Variants in EPHA3 observed in about 807,000 individuals in gnomAD.
The protein encoded by EPHA3 is EPH receptor A3.
EPHA3 carries 42 observed loss-of-function variants against 107.1 expected under a neutral mutation model. The observed-to-expected ratio is 0.39, with a 90% CI of 0.31 to 0.51. EPHA3 has a LOEUF of 0.51. Among genes scored for constraint, EPHA3 ranks in the 20% least tolerant of loss-of-function variants. The pLI, the probability that EPHA3 is intolerant of heterozygous loss-of-function variation, is 0.78. For synonymous variants in EPHA3, 461 were observed against 424.8 expected (o/e 1.09, Z -1.05); for missense variants, 1,183 against 1,211.2 (o/e 0.98, Z 0.35).
At chr3:89,217,115 G>C (rs569981894) in intron 3 of EPHA3, among the ~76,000 whole-genome samples, 53 of 152,142 alleles carry the variant, frequency 3.5e-4, no homozygotes, top group Non-Finnish European at 5.7e-4. Context: ...ATTAGTTCCA[G>C]AGTAGAACTT....
intron 3 of EPHA3, among the ~76,000 whole-genome samples, chr3:89,317,674 T>A (rs1706940900): frequency 6.6e-6 from 1 of 151,750 alleles, no homozygotes; most frequent in Non-Finnish European, 1.5e-5. Context: ...CTGCCCCAAA[T>A]GTACACATTT....
chr3:89,245,066 G>C (rs145311989), intron 3 of EPHA3, among the ~76,000 whole-genome samples: 1 of 151,972 alleles, frequency 6.6e-6, no homozygotes, highest in African/African-American at 2.4e-5. Flanking sequence ...CCAAACCAGC[G>C]GTTTGTTTGC....
intron 3 of EPHA3, among the ~76,000 whole-genome samples, chr3:89,259,362 A>C (rs992817186): frequency 2.6e-5 from 4 of 152,156 alleles, no homozygotes; most frequent in Admixed American, 1.3e-4. Flanking sequence ...TTTTGGCTAA[A>C]ATGAATTTTG....
chr3:89,299,934 T>C (rs541478696), intron 3 of EPHA3, among the ~76,000 whole-genome samples: 2 of 152,184 alleles, frequency 1.3e-5, no homozygotes, highest in South Asian at 4.1e-4. Flanking sequence ...ATGTTCTACA[T>C]ATTTAAGTGT....
intron 5 of EPHA3, 26 bp downstream of exon 5, chr3:89,342,116 C>G: frequency 6.3e-7 from 1 of 1,575,348 alleles, no homozygotes; most frequent in Non-Finnish European, 8.7e-7. Flanking sequence ...ATGCTTCTTA[C>G]TCTTATCATA....
At chr3:89,333,559 T>A (rs1707334218) in intron 3 of EPHA3, among the ~76,000 whole-genome samples, 1 of 152,110 alleles carries the variant, frequency 6.6e-6, no homozygotes, top group African/African-American at 2.4e-5. Flanking sequence ...AAGACTAGAT[T>A]AGCAAGAAAA....
In EPHA3 at chr3:89,180,924, G is replaced by C. The variant is rs538281022; in HGVS notation, c.154-28936G>C. On this transcript the variant is annotated intron_variant, in intron 2 of 16. Transcript: ENST00000336596. ...ATTTCCAGAGAGTTGGAAAAAAAGA[G>C]ATTTTGTCACAGCCTTTTGGACAAG... is the stretch of plus-strand genomic sequence containing the variant. Among the ~76,000 whole-genome samples, 41 of 152,074 alleles carry C rather than the reference G, an allele frequency of 2.7e-4. 1 individual carries two copies. In the South Asian group the frequency reaches 7.7e-3, roughly 28 times the overall value.
intron 2 of EPHA3, among the ~76,000 whole-genome samples, chr3:89,198,159 T>C (rs1654430327): frequency 1.3e-5 from 2 of 152,100 alleles, no homozygotes; most frequent in Non-Finnish European, 2.9e-5. Context: ...AGACAAACTT[T>C]GAATTTAAAA....
intron 5 of EPHA3, among the ~76,000 whole-genome samples, chr3:89,346,647 C>G (rs553938519): frequency 1.3e-5 from 2 of 151,144 alleles, no homozygotes; most frequent in Admixed American, 6.6e-5. Context: ...TCAATTGTGG[C>G]TTTTGTTGCC....
rs547616497 is a variant in EPHA3, at chr3:89,224,208, C to T, written c.814+13688C>T. ...AGATTTATAGCATCTCTCCTATCTA[C>T]ACAAATAATTTACCATGAAATTTAT... On this transcript the variant is annotated intron_variant, in intron 3 of 16. Transcript: ENST00000336596. 2.3e-4 allele frequency among the ~76,000 whole-genome samples: 35 copies of T among 152,268 alleles called. No homozygotes were observed. In the South Asian group the frequency reaches 7.0e-3, roughly 31 times the overall value.
At chr3:89,117,049 T>C (rs1025179957) in intron 1 of EPHA3, among the ~76,000 whole-genome samples, 1 of 152,106 alleles carries the variant, frequency 6.6e-6, no homozygotes, top group Non-Finnish European at 1.5e-5. Context: ...ACTGATTACA[T>C]AGCAGGGCCT....
At chr3:89,200,000 G>T (rs1427434883) in intron 2 of EPHA3, among the ~76,000 whole-genome samples, 1 of 152,162 alleles carries the variant, frequency 6.6e-6, no homozygotes, top group East Asian at 1.9e-4. Context: ...AGAGACCATG[G>T]AGGGCAGCAA....
chr3:89,141,555 C>T (rs557331338), intron 2 of EPHA3, among the ~76,000 whole-genome samples: 3 of 151,670 alleles, frequency 2.0e-5, no homozygotes, highest in South Asian at 4.2e-4. Flanking sequence ...AAGGATACCA[C>T]CCTTATAGTT....
At chr3:89,151,478 G>A (rs1704688921) in intron 2 of EPHA3, among the ~76,000 whole-genome samples, 1 of 152,068 alleles carries the variant, frequency 6.6e-6, no homozygotes, top group Non-Finnish European at 1.5e-5. Flanking sequence ...CACTACAGAA[G>A]CCAGTCACTT....
chr3:89,461,195 A>G (rs1308262891), intron 15 of EPHA3, among the ~76,000 whole-genome samples: 2 of 104,258 alleles, frequency 1.9e-5, no homozygotes, highest in Admixed American at 1.0e-4. Flanking sequence ...CATGGTGTAT[A>G]TGTGCCACAT....
intron 2 of EPHA3, among the ~76,000 whole-genome samples, chr3:89,160,591 C>T (rs796941342): frequency 3.8e-4 from 32 of 83,196 alleles, no homozygotes; most frequent in African/African-American, 1.1e-3. Flanking sequence ...TGTGTGTGTG[C>T]GCGCATTCTT....
intron 5 of EPHA3, among the ~76,000 whole-genome samples, chr3:89,354,992 T>C (rs1707912642): frequency 6.6e-6 from 1 of 151,168 alleles, no homozygotes; most frequent in African/African-American, 2.4e-5. Flanking sequence ...AAATTTCACA[T>C]GATTGTATTT....
At chr3:89,184,778 T>A (rs1024241257) in intron 2 of EPHA3, among the ~76,000 whole-genome samples, 2 of 151,988 alleles carry the variant, frequency 1.3e-5, no homozygotes, top group African/African-American at 4.8e-5. Context: ...TCCAGCAAGA[T>A]AATGATGGGG....
chr3:89,145,432 T>C (rs1413441554), intron 2 of EPHA3, among the ~76,000 whole-genome samples: 3 of 151,740 alleles, frequency 2.0e-5, no homozygotes, highest in African/African-American at 7.2e-5. Flanking sequence ...TATATACACA[T>C]ATATTATTTG....
Sources: gnomAD v4.1 joint callset for allele counts (sites outside exome capture counted in the v4.1 genomes callset) on GRCh38, gnomAD v4.1.1 for gene constraint, MANE v1.5 for transcripts, NCBI Gene and HGNC (gene_info 2026-07-23, HGNC 2026-07-21) for gene names.